The following KATNB1 variants were observed in gnomAD, a reference collection of about 807,000 sequenced individuals.
KATNB1 encodes katanin regulatory subunit B1, also known as katanin p80 WD40 repeat-containing subunit B1.
A neutral mutation model predicts 82.3 loss-of-function variants in KATNB1; 38 were observed. The observed-to-expected ratio is 0.46, with a 90% CI of 0.36 to 0.61. The LOEUF (loss-of-function observed/expected upper bound fraction) is 0.61, where lower values mean the gene tolerates loss of function less well. Among genes scored for constraint, KATNB1 ranks in the 20% least tolerant of loss-of-function variants. The probability of loss-of-function intolerance (pLI) is 0.00; values close to 1 mark genes in which losing one functional copy is unlikely to be tolerated. For missense variants in KATNB1, 749 were observed against 915.7 expected (o/e 0.82, Z 2.35); for synonymous variants, 361 against 368.7 (o/e 0.98, Z 0.24).
chr16:57,751,398 G>C lies in KATNB1; in HGVS notation c.432+96G>C. On this transcript the variant is annotated intron_variant, in intron 6 of 19. Coordinates refer to ENST00000379661, the MANE Select transcript of KATNB1 (RefSeq NM_005886.3). The surrounding 1 kb of genome is among the most constrained non-coding windows in gnomAD (Gnocchi z 6.3). ...CCAGCAGGGGGTGGAGGGGACGGCT[G>C]TCCCACATGGGTGATAACATAAAAC... 8.0e-7 allele frequency: 1 copy of C among 1,248,996 alleles called. No homozygotes were observed. Among genetic ancestry groups the C allele is most frequent in the South Asian group, 1.2e-5 (1 of 82,916 alleles). 77.4% of individuals were successfully genotyped at this position (1,248,996 alleles called of 1,614,324 possible).
chr16:57,745,790 G>A (rs2049180088), intron 4 of KATNB1, among the ~76,000 whole-genome samples: 1 of 140,504 alleles, frequency 7.1e-6, no homozygotes, highest in Non-Finnish European at 1.5e-5. Flanking sequence ...GTTAATAATA[G>A]TTCCTTTTTT....
chr16:57,756,298 TTC>T (rs1300550534), intron 18 of KATNB1, 56 bp from the exon 19 acceptor site: 19 of 1,471,350 alleles, frequency 1.3e-5, no homozygotes, highest in African/African-American at 4.2e-5. Context: ...TCCTTGCTGT[TTC>T]TCTTTCTGTC....
chr16:57,753,403 CA>C lies in KATNB1; in HGVS notation c.1062del (p.Glu355ArgfsTer111). The C allele has an allele frequency of 6.2e-7, 1 of 1,612,530 alleles. No individual in the cohort carries two copies. The highest frequency in any genetic ancestry group is 8.5e-7 in the Non-Finnish European group (1 of 1,179,620). ...CACGCTCCCAGGGTGAAGCAGAACT[CA>C]GAGAGCGAGCGCCGCAGCCCCAGCA... ...CSKPQRVKQN[S>X]ESERRSPSSE... On this transcript the variant is annotated frameshift_variant, in exon 12 of 20. Coordinates refer to ENST00000379661, the MANE Select transcript of KATNB1 (RefSeq NM_005886.3). LOFTEE classifies it high-confidence loss of function.
chr16:57,744,401 C>T lies in KATNB1; in HGVS notation c.179C>T (p.Thr60Met), dbSNP rs139636269. 135 of 1,612,972 alleles carry T rather than the reference C, an allele frequency of 8.4e-5. No individual in the cohort carries two copies. The highest frequency in any genetic ancestry group is 8.0e-4 in the South Asian group (73 of 91,080). ...INKPNCIMSL[T>M]GHTSPVESVR... ...GCTGCTCTCTCTCCACAGAGCCTGA[C>T]GGGCCACACATCCCCAGTGGAGAGC... The change falls in exon 4 of 20, where the codon ACG becomes ATG. Residue 60 changes from threonine to methionine, a missense_variant. Physicochemically the swap from Thr to Met is moderately conservative, Grantham distance 81. This residue lies in a region of KATNB1 where 247 missense variants were observed against 349.4 expected (regional missense o/e 0.71). Transcript: ENST00000379661.
intron 2 of KATNB1, among the ~76,000 whole-genome samples, chr16:57,739,688 C>T (rs1219318714): frequency 6.6e-6 from 1 of 152,174 alleles, no homozygotes; most frequent in Non-Finnish European, 1.5e-5. Flanking sequence ...CCTGGTCAGG[C>T]TGCTTAGAGG....
chr16:57,742,918 C>T (rs2049153172), intron 3 of KATNB1, among the ~76,000 whole-genome samples: 2 of 152,254 alleles, frequency 1.3e-5, no homozygotes, highest in East Asian at 1.9e-4. Flanking sequence ...AGCATCGGAA[C>T]CTGCCCTTTC....
chr16:57,755,514 C>CA lies in KATNB1; in HGVS notation c.1566+21dup, dbSNP rs782327122. On this transcript the variant is annotated intron_variant, in intron 16 of 19. Transcript: ENST00000379661. The stretch of plus-strand genomic sequence containing the variant: ...ATCAAGGCAAGTGCCCACCCTTGCA[C>CA]AGGGCCTCATCTCGCCCCCCTGCCC... 3.1e-6 allele frequency: 5 copies of CA among 1,606,580 alleles called. No individual in the cohort carries two copies. The highest frequency in any genetic ancestry group is 4.3e-6 in the Non-Finnish European group (5 of 1,175,176).
rs201835349 is a variant in KATNB1, at chr16:57,751,270, A to C, written c.400A>C (p.Ile134Leu). The C allele has an allele frequency of 6.2e-7, 1 of 1,613,874 alleles. No homozygotes were observed. The highest frequency in any genetic ancestry group is 8.5e-7 in the Non-Finnish European group (1 of 1,179,878). Residue 134 changes from isoleucine (I) to leucine (L), a missense_variant, in exon 6 of 20, where the codon ATC becomes CTC. This residue lies in a region of KATNB1 where 247 missense variants were observed against 349.4 expected (regional missense o/e 0.71). Transcript: ENST00000379661. The surrounding 1 kb of genome is among the most constrained non-coding windows in gnomAD (Gnocchi z 6.3). ...SQDTNIKLWD[I>L]RRKGCVFRYR... ...TCTCTCTCCCCCACAGCTCTGGGAC[A>C]TCAGGAGGAAAGGCTGTGTCTTCCG...
chr16:57,750,886 G>A lies in KATNB1; in HGVS notation c.349G>A (p.Gly117Ser), dbSNP rs368082767. ...CTGCAGCCTGGATTTCCACCCGTAC[G>A]GCGAGTTTGTAGCCTCTGGTTCCCA... Reference protein sequence around the residue: ...NICSLDFHPYGEFVASGSQDT... With the variant: ...NICSLDFHPYSEFVASGSQDT... The change falls in exon 5 of 20, where the codon GGC becomes AGC. Residue 117 changes from glycine to serine, a missense_variant. Gly to Ser is a moderately conservative substitution (Grantham distance 56). Transcript: ENST00000379661. 128 of 1,614,000 alleles carry A rather than the reference G, an allele frequency of 7.9e-5. No homozygotes were observed. The highest frequency in any genetic ancestry group is 4.7e-4 in the African/African-American group (35 of 74,904).
chr16:57,737,649 C>T (rs1390457337), intron 2 of KATNB1, among the ~76,000 whole-genome samples: 1 of 152,118 alleles, frequency 6.6e-6, no homozygotes, highest in Non-Finnish European at 1.5e-5. Context: ...CATTCTCAGA[C>T]ATCTCACAAG....
Position 57,755,504 on chromosome 16 carries a change from C to CA in KATNB1, c.1566+11dup, listed in dbSNP as rs782146854. 3 of 1,608,338 alleles carry CA rather than the reference C, an allele frequency of 1.9e-6. No homozygotes were observed. In the South Asian group the frequency reaches 3.3e-5, roughly 18 times the overall value. On this transcript the variant is annotated intron_variant, in intron 16 of 19. Transcript: ENST00000379661. The stretch of plus-strand genomic sequence containing the variant: ...CATGGGCGACATCAAGGCAAGTGCC[C>CA]ACCCTTGCACAGGGCCTCATCTCGC...
chr16:57,751,845 G>A lies in KATNB1; in HGVS notation c.517-95G>A, dbSNP rs553603033. On this transcript the variant is annotated intron_variant, in intron 7 of 19. Transcript: ENST00000379661. The surrounding 1 kb of genome is among the most constrained non-coding windows in gnomAD (Gnocchi z 6.3). ...TGTCCCAAGCCTATCCCGAGTGGAAGGTAGCTTGTGGATAAAGAGCTTGGC... is the reference window on the plus strand; with the variant it reads ...TGTCCCAAGCCTATCCCGAGTGGAAAGTAGCTTGTGGATAAAGAGCTTGGC... The A allele has an allele frequency of 3.6e-6, 5 of 1,391,436 alleles. No homozygotes were observed. The South Asian group carries it at 5.9e-5, about 16-fold the overall frequency. 86.2% of individuals were successfully genotyped at this position (1,391,436 alleles called of 1,614,324 possible). A position where few individuals can be genotyped will look rare whatever the true frequency, so the allele number is the denominator to read the frequency against.
At position 57,751,939 on chromosome 16, in the gene KATNB1, G is replaced by A; in HGVS notation, c.517-1G>A. ...TGACCTCCTCCCTGCCCTGCCTCCA[G>A]CTCTGGGATCTCACTGCCGGCAAGA... On this transcript the variant is annotated splice_acceptor_variant, in intron 7 of 19. Coordinates refer to ENST00000379661, the MANE Select transcript of KATNB1 (RefSeq NM_005886.3). LOFTEE classifies it high-confidence loss of function. The surrounding 1 kb of genome is among the most constrained non-coding windows in gnomAD (Gnocchi z 6.3). 6.2e-7 allele frequency: 1 copy of A among 1,612,400 alleles called. No homozygotes were observed. Among genetic ancestry groups the A allele is most frequent in the Non-Finnish European group, 8.5e-7 (1 of 1,178,818 alleles).
In KATNB1 at chr16:57,753,136, C is replaced by A; in HGVS notation, c.915C>A (p.Val305=). The change falls in exon 11 of 20, where the codon GTC becomes GTA. Residue 305 remains valine, a synonymous_variant. Coordinates refer to ENST00000379661, the MANE Select transcript of KATNB1 (RefSeq NM_005886.3). ...VSSYVVDLTR[V]TRTGTVARDP... is the part of the protein sequence containing the mutation. ...CCTACGTGGTGGATCTGACGCGTGT[C>A]ACCAGGACTGGCACGGTGGCCCGGG... The A allele has an allele frequency of 6.2e-7, 1 of 1,611,592 alleles. No individual in the cohort carries two copies. Among genetic ancestry groups the A allele is most frequent in the Non-Finnish European group, 8.5e-7 (1 of 1,179,604 alleles).
At chr16:57,746,991 C>G (rs973455128) in intron 4 of KATNB1, among the ~76,000 whole-genome samples, 1 of 152,212 alleles carries the variant, frequency 6.6e-6, no homozygotes, top group Non-Finnish European at 1.5e-5. Context: ...AAGCGATTCT[C>G]CTGCCTCAGC....
chr16:57,744,809 C>G (rs1002347785), intron 4 of KATNB1, among the ~76,000 whole-genome samples: 7 of 150,770 alleles, frequency 4.6e-5, no homozygotes, highest in Admixed American at 1.3e-4. Context: ...GTGTTTAGAA[C>G]CTAGAGGGAT....
intron 3 of KATNB1, among the ~76,000 whole-genome samples, chr16:57,743,156 GGT>G (rs1411740467): frequency 6.6e-6 from 1 of 152,190 alleles, no homozygotes; most frequent in African/African-American, 2.4e-5. Context: ...AGCCGGGCGT[GGT>G]GGCAGGCACC....
chr16:57,755,462 G>A lies in KATNB1; in HGVS notation c.1534G>A (p.Val512Met), dbSNP rs1440720610. The A allele has an allele frequency of 1.2e-6, 2 of 1,613,382 alleles. No individual in the cohort carries two copies. Among genetic ancestry groups the A allele is most frequent in the Non-Finnish European group, 1.7e-6 (2 of 1,179,996 alleles). ...CAGCCGCCACAAGAACCTGGACACT[G>A]TGCGGGCTGTGTGGACCATGGGCGA... Reference protein sequence around the residue: ...LTSRHKNLDTVRAVWTMGDIK... With the variant: ...LTSRHKNLDTMRAVWTMGDIK... Residue 512 changes from valine (V) to methionine (M), a missense_variant, in exon 16 of 20, where the codon GTG (valine) becomes ATG (methionine). By Grantham distance (21) the Val-to-Met change is conservative. Transcript: ENST00000379661.
In KATNB1 at chr16:57,756,388, T is replaced by C. The variant is rs2049280714; in HGVS notation, c.1751T>C (p.Leu584Pro). 1.9e-6 allele frequency: 3 copies of C among 1,614,052 alleles called. No individual in the cohort carries two copies. The highest frequency in any genetic ancestry group is 2.5e-6 in the Non-Finnish European group (3 of 1,180,010). The change falls in exon 19 of 20, where the codon CTG becomes CCG. Residue 584 changes from leucine to proline, a missense_variant. Coordinates refer to ENST00000379661, the MANE Select transcript of KATNB1 (RefSeq NM_005886.3). ...YVQTGCTSLK[L>P]ILQRFLPLIT... ...CAGACGGGCTGCACCTCCCTGAAGC[T>C]GATCCTGCAGCGGTTTCTGCCCCTC...
Sources: allele counts gnomAD v4.1 joint callset (sites outside exome capture counted in the v4.1 genomes callset), GRCh38; gene constraint gnomAD v4.1.1; regional missense constraint gnomAD v4.1.1; non-coding constraint Gnocchi (gnomAD v3.1); transcripts MANE v1.5; gene names NCBI Gene and HGNC (gene_info 2026-07-23, HGNC 2026-07-21).